ADIPOR2: variants seen among roughly 807,000 people sequenced by gnomAD.
ADIPOR2 encodes adiponectin receptor protein 2.
A neutral mutation model predicts 40.9 loss-of-function variants in ADIPOR2; 18 were observed. The ratio of observed to expected loss-of-function variants is 0.44; its 90% CI spans 0.30 to 0.65. The LOEUF (loss-of-function observed/expected upper bound fraction) is 0.65, where lower values mean the gene tolerates loss of function less well. Among genes scored for constraint, ADIPOR2 ranks in the 30% least tolerant of loss-of-function variants. The pLI is 0.09. For missense variants in ADIPOR2, 283 were observed against 479.2 expected (o/e 0.59, Z 3.82); for synonymous variants, 165 against 166.4 (o/e 0.99, Z 0.06).
chr12:1,727,626 C>G (rs925774711), intron 1 of ADIPOR2, among the ~76,000 whole-genome samples: 1 of 152,230 alleles, frequency 6.6e-6, no homozygotes, highest in Admixed American at 6.5e-5. Flanking sequence ...GTACCTGAGC[C>G]TCAGTGGATT....
chr12:1,767,144 G>A (rs1238604682), intron 2 of ADIPOR2, among the ~76,000 whole-genome samples: 3 of 151,890 alleles, frequency 2.0e-5, no homozygotes, highest in East Asian at 3.9e-4. Flanking sequence ...GGTGGCAGGC[G>A]CCTATAATCC....
intron 4 of ADIPOR2, chr12:1,778,713 G>A (rs763799364): frequency 2.6e-5 from 4 of 152,132 alleles, no homozygotes; most frequent in Non-Finnish European, 4.4e-5. Context: ...AATTAAAAAC[G>A]TTGGTATATC....
At chr12:1,717,565 C>T (rs71454838) in intron 1 of ADIPOR2, among the ~76,000 whole-genome samples, 8,189 of 152,084 alleles carry the variant, frequency 0.054, 277 homozygotes, top group Middle Eastern at 0.099. Context: ...ATTAGCCAGG[C>T]GTGGTGGCAC....
At chr12:1,711,071 C>T (rs2094675797) in intron 1 of ADIPOR2, among the ~76,000 whole-genome samples, 1 of 152,114 alleles carries the variant, frequency 6.6e-6, no homozygotes, top group African/African-American at 2.4e-5. Context: ...CTCATACTAT[C>T]CCTCACTGGT....
At chr12:1,718,658 A>G (rs117766797) in intron 1 of ADIPOR2, among the ~76,000 whole-genome samples, 3,738 of 152,356 alleles carry the variant, frequency 0.025, 75 homozygotes, top group Non-Finnish European at 0.039. Context: ...TAAAATAGCA[A>G]CTTAGCAGTT....
chr12:1,759,067 A>G (rs576932868), intron 2 of ADIPOR2, among the ~76,000 whole-genome samples: 100 of 133,990 alleles, frequency 7.5e-4, no homozygotes, highest in African/African-American at 2.7e-3. Flanking sequence ...TCTGAATTCC[A>G]AACTCAGTCC....
chr12:1,712,384 A>T (rs1352997898), intron 1 of ADIPOR2, among the ~76,000 whole-genome samples: 3 of 152,098 alleles, frequency 2.0e-5, no homozygotes, highest in Non-Finnish European at 2.9e-5. Context: ...TGCCATTTAC[A>T]TCATGAGTAG....
Position 1,755,092 on chromosome 12 carries a change from A to C in ADIPOR2, c.171+578A>C, listed in dbSNP as rs1366323556. 1.7e-5 allele frequency among the ~76,000 whole-genome samples: 2 copies of C among 117,184 alleles called. 1 individual carries two copies. The highest frequency in any genetic ancestry group is 4.1e-5 in the Non-Finnish European group (2 of 48,312). 76.9% of individuals were successfully genotyped at this position (117,184 alleles called of 152,430 possible). ...TCTTTCTGCTGACTCTTTTTTTTTT[A>C]ATTTCGGAGACGGAGTCTTGTTCTG... On this transcript the variant is annotated intron_variant, in intron 2 of 7. Transcript: ENST00000357103.
intron 1 of ADIPOR2, among the ~76,000 whole-genome samples, chr12:1,752,266 C>G (rs145149640): frequency 0.015 from 1,307 of 86,574 alleles, 31 homozygotes; most frequent in African/African-American, 0.055. Context: ...TAATGTCTCA[C>G]TCTGTTGCCC....
chr12:1,712,518 A>G (rs1233142540), intron 1 of ADIPOR2, among the ~76,000 whole-genome samples: 2 of 152,126 alleles, frequency 1.3e-5, no homozygotes, highest in African/African-American at 4.8e-5. Context: ...TTGTCCCGTG[A>G]GTCTGAGTAA....
intron 1 of ADIPOR2, among the ~76,000 whole-genome samples, chr12:1,741,737 G>A (rs1214446511): frequency 6.6e-6 from 1 of 152,182 alleles, no homozygotes; most frequent in Non-Finnish European, 1.5e-5. Flanking sequence ...GAATGAAAAA[G>A]CCCTGGAGAG....
chr12:1,748,495 A>T (rs544394554), intron 1 of ADIPOR2, among the ~76,000 whole-genome samples: 2 of 151,850 alleles, frequency 1.3e-5, no homozygotes, highest in Admixed American at 6.6e-5. Context: ...TGATCTGCCC[A>T]CCTCGGCCTC....
At position 1,745,210 on chromosome 12, in the gene ADIPOR2, C is replaced by G. The variant is rs80290882; in HGVS notation, c.-86-9048C>G. On this transcript the variant is annotated intron_variant, in intron 1 of 7. Coordinates refer to ENST00000357103, the MANE Select transcript of ADIPOR2 (RefSeq NM_024551.3). ...GTTTGCTTTTGCTCTAACTGGATCACTTTCATCTCTTGGTACCCATTGCTT... is the reference window on the plus strand; with the variant it reads ...GTTTGCTTTTGCTCTAACTGGATCAGTTTCATCTCTTGGTACCCATTGCTT... Among the ~76,000 whole-genome samples, 305 of 152,286 alleles carry G rather than the reference C, an allele frequency of 2.0e-3. 3 individuals are homozygous for G. Among genetic ancestry groups the G allele is most frequent in the Non-Finnish European group, 3.5e-3 (235 of 68,022 alleles).
At chr12:1,748,617 G>A (rs1382220890) in intron 1 of ADIPOR2, among the ~76,000 whole-genome samples, 1 of 151,854 alleles carries the variant, frequency 6.6e-6, no homozygotes, top group Non-Finnish European at 1.5e-5. Flanking sequence ...TAAATTTACA[G>A]GTTGAAGTTT....
chr12:1,782,760 T>TA (rs1241438326), intron 6 of ADIPOR2, among the ~76,000 whole-genome samples: 9 of 152,116 alleles, frequency 5.9e-5, no homozygotes, highest in Admixed American at 5.9e-4. Flanking sequence ...CTGGAGGCAG[T>TA]AAGGCAGTAG....
At chr12:1,777,817 A>G (rs1862629874) in intron 3 of ADIPOR2, 37 bp from the exon 4 acceptor site, 2 of 1,585,694 alleles carry the variant, frequency 1.3e-6, no homozygotes, top group South Asian at 1.1e-5. Flanking sequence ...ATTGACAACT[A>G]AAATCACAAA....
chr12:1,752,348 C>T (rs754914351), intron 1 of ADIPOR2, among the ~76,000 whole-genome samples: 9 of 150,612 alleles, frequency 6.0e-5, no homozygotes, highest in African/African-American at 2.2e-4. Context: ...ATCCTCTCAC[C>T]TTGGCCTCCC....
chr12:1,786,043 G>C lies in ADIPOR2; in HGVS notation c.1132G>C (p.Gly378Arg), dbSNP rs1447199106. The C allele has an allele frequency of 3.7e-6, 6 of 1,614,002 alleles. No homozygotes were observed. Among genetic ancestry groups the C allele is most frequent in the Non-Finnish European group, 5.1e-6 (6 of 1,180,010 alleles). Reference sequence around the variant, plus strand: ...CCAGGAGTTTCGTTTCATGATCGGCGGGGGCTGCAGTGAAGAGGATGCACT... The same window carrying C: ...CCAGGAGTTTCGTTTCATGATCGGCCGGGGCTGCAGTGAAGAGGATGCACT... ...NLQEFRFMIG[G>R]GCSEEDAL The change falls in exon 8 of 8, where the codon GGG (glycine) becomes CGG (arginine). Residue 378 changes from glycine to arginine, a missense_variant. Gly to Arg is a moderately radical substitution (Grantham distance 125). This residue lies in a region of ADIPOR2 where 106 missense variants were observed against 149.7 expected (regional missense o/e 0.71). Coordinates refer to ENST00000357103, the MANE Select transcript of ADIPOR2 (RefSeq NM_024551.3).
At chr12:1,721,150 G>A (rs984392825) in intron 1 of ADIPOR2, among the ~76,000 whole-genome samples, 2 of 150,440 alleles carry the variant, frequency 1.3e-5, no homozygotes, top group Non-Finnish European at 1.5e-5. Context: ...ATGTTGTCAG[G>A]ACTTCCTGAG....
Sources: allele counts gnomAD v4.1 joint callset (sites outside exome capture counted in the v4.1 genomes callset), GRCh38; gene constraint gnomAD v4.1.1; regional missense constraint gnomAD v4.1.1; transcripts MANE v1.5; gene names NCBI Gene and HGNC (gene_info 2026-07-23, HGNC 2026-07-21).